The following WWC2 variants were observed in gnomAD, a reference collection of about 807,000 sequenced individuals.
WWC2 encodes the protein WW and C2 domain containing 2.
In WWC2, 101 loss-of-function variants were observed where a neutral mutation model predicts 138.5. The ratio of observed to expected loss-of-function variants is 0.73; its 90% CI spans 0.62 to 0.86. The LOEUF is 0.86. Ranked by LOEUF, WWC2 falls within the 40% of genes least tolerant of loss-of-function variation. The probability of loss-of-function intolerance (pLI) is 0.00; values close to 1 mark genes in which losing one functional copy is unlikely to be tolerated. For missense variants in WWC2, 1,420 were observed against 1,419.4 expected (o/e 1.00, Z -0.01); for synonymous variants, 558 against 538.4 (o/e 1.04, Z -0.50).
At chr4:183,302,592 C>T (rs1738882727) in intron 21 of WWC2, among the ~76,000 whole-genome samples, 1 of 152,264 alleles carries the variant, frequency 6.6e-6, no homozygotes, top group South Asian at 2.1e-4. Context: ...GTTTCCCCAA[C>T]ATCCCCAGTG....
At chr4:183,129,094 G>T (rs1343118393) in intron 1 of WWC2, among the ~76,000 whole-genome samples, 4 of 152,208 alleles carry the variant, frequency 2.6e-5, no homozygotes, top group Non-Finnish European at 5.9e-5. Flanking sequence ...ATGATCAGAA[G>T]AATAAGTTTT....
At chr4:183,223,468 C>T (rs937447292) in intron 4 of WWC2, among the ~76,000 whole-genome samples, 1 of 152,158 alleles carries the variant, frequency 6.6e-6, no homozygotes, top group Non-Finnish European at 1.5e-5. Context: ...TTCATGACAA[C>T]TTGAAATAGT....
chr4:183,138,786 G>GT lies in WWC2; in HGVS notation c.131+39171dup, dbSNP rs538463574. On this transcript the variant is annotated intron_variant, in intron 1 of 22. Coordinates refer to ENST00000403733, the MANE Select transcript of WWC2 (RefSeq NM_024949.6). ...GCTCATGGACAAAGGCAAGTTTTTT[G>GT]TTTTTTTGTTTTTTAAGTAACACAT... 7.1e-3 allele frequency among the ~76,000 whole-genome samples: 1,077 copies of GT among 152,028 alleles called. 11 individuals are homozygous for GT. Among genetic ancestry groups the GT allele is most frequent in the South Asian group, 0.024 (115 of 4,794 alleles).
At chr4:183,226,620 T>C (rs774474211) in intron 4 of WWC2, among the ~76,000 whole-genome samples, 1 of 151,854 alleles carries the variant, frequency 6.6e-6, no homozygotes, top group Non-Finnish European at 1.5e-5. Flanking sequence ...AATTTTAAAA[T>C]GGTTACAATA....
At chr4:183,252,410 A>G (rs1001321278) in intron 8 of WWC2, among the ~76,000 whole-genome samples, 2 of 152,206 alleles carry the variant, frequency 1.3e-5, no homozygotes, top group Non-Finnish European at 1.5e-5. Flanking sequence ...TTGTCTTTAC[A>G]GTGCCACGTA....
At position 183,320,446 on chromosome 4, in the gene WWC2, G is replaced by T. The variant is rs1029554971; in HGVS notation, c.*4717G>T. The T allele has an allele frequency of 7.0e-6, 4 of 570,780 alleles. No individual in the cohort carries two copies. In the African/African-American group the frequency reaches 7.5e-5, roughly 11 times the overall value. The allele number at this position is 570,780 out of a possible 1,614,324, so 35.4% of individuals were successfully genotyped here. ...GTAATGCCAAGGTGTGGCCAAGATT[G>T]TGTTTGTGTCCTGTGGGCTGGATTT... On this transcript the variant is annotated 3_prime_UTR_variant, in exon 23 of 23. Coordinates refer to ENST00000403733, the MANE Select transcript of WWC2 (RefSeq NM_024949.6).
rs200694014 is a variant in WWC2 at position 183,208,107 on chromosome 4, C to G, written c.396C>G (p.Tyr132Ter). ...GGCTGGCGCTGGCCCTGGATGAATA[C>G]GTGCGATTAAATGATGCCTATAAGG... ...EQRLALALDE[Y>*]VRLNDAYKEK... is the part of the protein sequence containing the mutation. The change falls in exon 3 of 23, where the codon TAC becomes TAG. Residue 132 changes from tyrosine to a stop codon, truncating the protein, a stop_gained. Coordinates refer to ENST00000403733, the MANE Select transcript of WWC2 (RefSeq NM_024949.6). LOFTEE classifies it high-confidence loss of function. 1 of 1,613,620 alleles carries G rather than the reference C, an allele frequency of 6.2e-7. No homozygotes were observed. The highest frequency in any genetic ancestry group is 1.3e-5 in the African/African-American group (1 of 74,914).
chr4:183,155,221 A>AGAGAGAGAGAGAGAGAGAGT (rs61543148), intron 1 of WWC2, among the ~76,000 whole-genome samples: 19 of 135,274 alleles, frequency 1.4e-4, no homozygotes, highest in African/African-American at 5.2e-4. Flanking sequence ...AGAGAGAGAG[A>AGAGAGAGAGAGAGAGAGAGT]GAGTTAGTTG....
chr4:183,107,647 A>G (rs927903978), intron 1 of WWC2, among the ~76,000 whole-genome samples: 1 of 152,166 alleles, frequency 6.6e-6, no homozygotes, highest in African/African-American at 2.4e-5. Flanking sequence ...TGATCAATAA[A>G]AAGTTAGGTA....
chr4:183,160,366 A>C (rs1733930359), intron 1 of WWC2, among the ~76,000 whole-genome samples: 1 of 152,252 alleles, frequency 6.6e-6, no homozygotes, highest in African/African-American at 2.4e-5. Flanking sequence ...GAAAAGTGAT[A>C]AATGCTCGAA....
chr4:183,168,219 T>C (rs1189266319), intron 1 of WWC2, among the ~76,000 whole-genome samples: 1 of 150,920 alleles, frequency 6.6e-6, no homozygotes, highest in Non-Finnish European at 1.5e-5. Flanking sequence ...TCCTTGTAAC[T>C]ACTGCGAGAT....
intron 1 of WWC2, among the ~76,000 whole-genome samples, chr4:183,186,116 T>A (rs1048869000): frequency 2.0e-5 from 3 of 151,752 alleles, no homozygotes; most frequent in Non-Finnish European, 4.4e-5. Flanking sequence ...CCCAGCTAAT[T>A]TTTTGTATTT....
chr4:183,156,900 C>A (rs1245448581), intron 1 of WWC2, among the ~76,000 whole-genome samples: 1 of 152,158 alleles, frequency 6.6e-6, no homozygotes, highest in African/African-American at 2.4e-5. Flanking sequence ...CTCTTTCCTT[C>A]CCGCCCTTTA....
intron 5 of WWC2, among the ~76,000 whole-genome samples, chr4:183,245,166 G>A (rs1736731166): frequency 6.7e-6 from 1 of 148,468 alleles, no homozygotes; most frequent in Non-Finnish European, 1.5e-5. Context: ...GGCGTAGTTT[G>A]CAGTGAGCTG....
intron 1 of WWC2, among the ~76,000 whole-genome samples, chr4:183,173,938 T>C (rs1331245754): frequency 6.6e-6 from 1 of 152,214 alleles, no homozygotes; most frequent in East Asian, 1.9e-4. Flanking sequence ...GGTAGTCATA[T>C]GGCAGTGATC....
chr4:183,113,136 G>A (rs1005752762), intron 1 of WWC2, among the ~76,000 whole-genome samples: 1 of 151,862 alleles, frequency 6.6e-6, no homozygotes, highest in Admixed American at 6.6e-5. Context: ...AGCCAGGCGT[G>A]GGGTGCATAC....
At chr4:183,250,458 G>T (rs1278793442) in intron 8 of WWC2, among the ~76,000 whole-genome samples, 2 of 152,122 alleles carry the variant, frequency 1.3e-5, no homozygotes, top group Non-Finnish European at 2.9e-5. Flanking sequence ...TGAGGTGGCA[G>T]TTCCAGTCGA....
chr4:183,283,002 G>A (rs994682089), intron 18 of WWC2, 96 bp downstream of exon 18: 12 of 1,309,618 alleles, frequency 9.2e-6, no homozygotes, highest in South Asian at 1.8e-5. Flanking sequence ...TAAATTCCAT[G>A]TCAGGATTTT....
intron 21 of WWC2, among the ~76,000 whole-genome samples, chr4:183,295,644 A>G (rs113926473): frequency 5.6e-4 from 85 of 152,292 alleles, no homozygotes; most frequent in African/African-American, 1.9e-3. Context: ...TTTGAAATCA[A>G]CCCTCAACTC....
Sources: allele counts gnomAD v4.1 joint callset (sites outside exome capture counted in the v4.1 genomes callset), GRCh38; gene constraint gnomAD v4.1.1; transcripts MANE v1.5; gene names NCBI Gene and HGNC (gene_info 2026-07-23, HGNC 2026-07-21).